PNPLA1: variants seen among roughly 807,000 people sequenced by gnomAD.
PNPLA1 encodes patatin like domain 1, omega-hydroxyceramide transacylase.
Under a neutral mutation model 51.7 loss-of-function variants are expected in PNPLA1, and 36 were observed. The observed-to-expected ratio is 0.70, with a 90% CI of 0.53 to 0.92. The LOEUF is 0.92. Ranked by LOEUF, PNPLA1 falls within the 40% of genes least tolerant of loss-of-function variation. The pLI is 0.00. For synonymous variants in PNPLA1, 293 were observed against 280.1 expected (o/e 1.05, Z -0.46); for missense variants, 658 against 682.5 (o/e 0.96, Z 0.40).
chr6:36,268,113 C>T (rs371467146), upstream of PNPLA1, among the ~76,000 whole-genome samples: 10 of 152,196 alleles, frequency 6.6e-5, no homozygotes, highest in African/African-American at 1.9e-4. Context: ...TCTCATCTTC[C>T]TTCCAAGGCT....
intron 2 of PNPLA1, 27 bp downstream of exon 2, chr6:36,291,579 G>GGGGGGTGGCA: frequency 9.6e-6 from 1 of 103,658 alleles, no homozygotes. Context: ...GGGAGGGAGG[G>GGGGGGTGGCA]ACACGGAGGG....
At chr6:36,266,060 A>G (rs1769752596), upstream of PNPLA1, among the ~76,000 whole-genome samples, 1 of 152,220 alleles carries the variant, frequency 6.6e-6, no homozygotes, top group African/African-American at 2.4e-5. Flanking sequence ...GGCTCCCAAT[A>G]GAGAGGCCCA....
chr6:36,243,691 A>C (rs1437723454), intron 1 of PNPLA1, among the ~76,000 whole-genome samples: 1 of 152,176 alleles, frequency 6.6e-6, no homozygotes, highest in East Asian at 1.9e-4. Flanking sequence ...GGGAGGAAGC[A>C]TGGGGGCTGG....
At chr6:36,296,589 C>T (rs1475859942) in intron 5 of PNPLA1, among the ~76,000 whole-genome samples, 1 of 152,138 alleles carries the variant, frequency 6.6e-6, no homozygotes, top group African/African-American at 2.4e-5. Flanking sequence ...AGATTTTCTT[C>T]CTAGGAGGTG....
upstream of PNPLA1, among the ~76,000 whole-genome samples, chr6:36,268,452 T>A (rs1769813842): frequency 6.6e-6 from 1 of 152,120 alleles, no homozygotes; most frequent in Admixed American, 6.5e-5. Context: ...TCAGAAGGGT[T>A]CTCATCCAAA....
chr6:36,290,293 C>T (rs1770635509), intron 1 of PNPLA1, among the ~76,000 whole-genome samples: 2 of 152,106 alleles, frequency 1.3e-5, no homozygotes, highest in African/African-American at 2.4e-5. Flanking sequence ...CCTGATTTTC[C>T]CAAAGGCTTG....
chr6:36,253,175 G>A (rs1234381410), intron 1 of PNPLA1, among the ~76,000 whole-genome samples: 4 of 152,098 alleles, frequency 2.6e-5, no homozygotes, highest in African/African-American at 4.8e-5. Context: ...GCGAGACGCT[G>A]TCTTCATAAA....
intron 1 of PNPLA1, among the ~76,000 whole-genome samples, chr6:36,272,946 G>A (rs1290181659): frequency 6.6e-6 from 1 of 152,160 alleles, no homozygotes; most frequent in Non-Finnish European, 1.5e-5. Context: ...CAGTGCGAAA[G>A]TGTATAGAGT....
chr6:36,292,197 A>G (rs6902305), intron 2 of PNPLA1, among the ~76,000 whole-genome samples: 142,610 of 152,164 alleles, frequency 0.94, 66,896 homozygotes, highest in East Asian at 1. Context: ...TCCCCCACAT[A>G]CAGGGGCTTC....
intron 1 of PNPLA1, among the ~76,000 whole-genome samples, chr6:36,273,696 A>G (rs1324758695): frequency 7.2e-6 from 1 of 138,264 alleles, no homozygotes; most frequent in Non-Finnish European, 1.5e-5. Flanking sequence ...GGAGTTCAAG[A>G]CAAGCCTGGA....
In PNPLA1 at chr6:36,289,962, G is replaced by A. The variant is rs571197311; in HGVS notation, c.206-1358G>A. 2.6e-5 allele frequency among the ~76,000 whole-genome samples: 4 copies of A among 152,254 alleles called. No homozygotes were observed. The East Asian group carries it at 7.7e-4, about 29-fold the overall frequency. ...TCTCAGGTGCTCTATTTATAAATAG[G>A]CGAGTAAGGCACACTGATTACTTCC... On this transcript the variant is annotated intron_variant, in intron 1 of 8. Coordinates refer to ENST00000636260, the MANE Select transcript of PNPLA1 (RefSeq NM_001374623.1).
rs1431057253 is a variant in PNPLA1 at position 36,313,081 on chromosome 6, A to G, written c.*1195A>G. On this transcript the variant is annotated 3_prime_UTR_variant, in exon 9 of 9. Transcript: ENST00000636260. Reference sequence around the variant, plus strand: ...CTGAATTTGGTCAGGCAGCCCAGGCATTGAGATCTTTAGAGCTCCCCCGGG... The same window carrying G: ...CTGAATTTGGTCAGGCAGCCCAGGCGTTGAGATCTTTAGAGCTCCCCCGGG... Among the ~76,000 whole-genome samples, 1 of 152,136 alleles carries G rather than the reference A, an allele frequency of 6.6e-6. No homozygotes were observed. Among genetic ancestry groups the G allele is most frequent in the Non-Finnish European group, 1.5e-5 (1 of 68,020 alleles).
intron 1 of PNPLA1, among the ~76,000 whole-genome samples, chr6:36,258,419 T>TC (rs1336999878): frequency 1.3e-5 from 2 of 152,306 alleles, no homozygotes; most frequent in African/African-American, 4.8e-5. Context: ...ACAAAAAATT[T>TC]TTTAAAAAAT....
chr6:36,291,568 T>TG lies in PNPLA1; in HGVS notation c.438+19dup. On this transcript the variant is annotated intron_variant, in intron 2 of 8. Coordinates refer to ENST00000636260, the MANE Select transcript of PNPLA1 (RefSeq NM_001374623.1). The stretch of plus-strand genomic sequence containing the variant: ...GCTCATTGAGGCAAGGGGGCTGGGC[T>TG]GGGAGGGAGGGACACGGAGGGGGCG... 5.8e-5 allele frequency: 5 copies of TG among 86,330 alleles called. No homozygotes were observed. The highest frequency in any genetic ancestry group is 1.2e-4 in the Non-Finnish European group (5 of 41,434). The allele number at this position is 86,330 out of a possible 1,614,324, so 5.3% of individuals were successfully genotyped here.
intron 1 of PNPLA1, among the ~76,000 whole-genome samples, chr6:36,255,756 T>G (rs1412084205): frequency 6.6e-6 from 1 of 152,206 alleles, no homozygotes; most frequent in African/African-American, 2.4e-5. Context: ...TGAAGGTCTC[T>G]GAAATAGCAG....
At chr6:36,253,070 C>CA in intron 1 of PNPLA1, among the ~76,000 whole-genome samples, 1 of 152,142 alleles carries the variant, frequency 6.6e-6, no homozygotes, top group African/African-American at 2.4e-5. Context: ...GTCCCAGCTA[C>CA]TCGGGAGGCT....
At chr6:36,278,044 C>T (rs571426425) in intron 1 of PNPLA1, among the ~76,000 whole-genome samples, 1 of 152,242 alleles carries the variant, frequency 6.6e-6, no homozygotes, top group Non-Finnish European at 1.5e-5. Flanking sequence ...TGACCCTCTG[C>T]CCCCCTTTCA....
chr6:36,259,503 T>A (rs1384534259), intron 1 of PNPLA1, among the ~76,000 whole-genome samples: 1 of 152,066 alleles, frequency 6.6e-6, no homozygotes. Context: ...GTACAGTCCC[T>A]CTCCACACAC....
intron 1 of PNPLA1, among the ~76,000 whole-genome samples, chr6:36,280,058 T>C (rs1274662668): frequency 6.6e-6 from 1 of 151,484 alleles, no homozygotes; most frequent in South Asian, 2.1e-4. Flanking sequence ...ATACAAAAAT[T>C]AGCTGGGCGT....
Sources: gnomAD v4.1 joint callset for allele counts (sites outside exome capture counted in the v4.1 genomes callset) on GRCh38, gnomAD v4.1.1 for gene constraint, MANE v1.5 for transcripts, NCBI Gene and HGNC (gene_info 2026-07-23, HGNC 2026-07-21) for gene names.